Variants in ADAM18 observed in about 807,000 individuals in gnomAD.
ADAM18 encodes ADAM metallopeptidase domain 18, also known as disintegrin and metalloproteinase domain-containing protein 18.
Under a neutral mutation model 94.4 loss-of-function variants are expected in ADAM18, and 117 were observed. The ratio of observed to expected loss-of-function variants is 1.24; its 90% CI spans 1.07 to 1.45. ADAM18 has a LOEUF of 1.45. ADAM18 is among the 40% of genes most tolerant of loss of function. ADAM18 has a pLI of 0.00. For synonymous variants in ADAM18, 327 were observed against 291.6 expected (o/e 1.12, Z -1.24); for missense variants, 936 against 880.0 (o/e 1.06, Z -0.81).
chr8:39,648,332 A>T lies in ADAM18; in HGVS notation c.1047-12A>T, dbSNP rs1293963432. The T allele has an allele frequency of 1.9e-6, 3 of 1,572,110 alleles. No individual in the cohort carries two copies. Among genetic ancestry groups the T allele is most frequent in the Non-Finnish European group, 2.6e-6 (3 of 1,158,482 alleles). ...CAGGCTTATTTGCCTGAGGAATATTATTTTATTTTAGGAGTGCCAGTGGTA... is the reference window on the plus strand; with the variant it reads ...CAGGCTTATTTGCCTGAGGAATATTTTTTTATTTTAGGAGTGCCAGTGGTA... On this transcript the variant is annotated splice_polypyrimidine_tract_variant and intron_variant, in intron 11 of 19. Coordinates refer to ENST00000265707, the MANE Select transcript of ADAM18 (RefSeq NM_014237.3).
intron 7 of ADAM18, among the ~76,000 whole-genome samples, chr8:39,635,220 G>A (rs2129579228): frequency 6.6e-6 from 1 of 152,288 alleles, no homozygotes; most frequent in African/African-American, 2.4e-5. Context: ...TACCCAGTCT[G>A]TGTTATTCTT....
At chr8:39,653,492 A>C (rs929941646) in intron 12 of ADAM18, among the ~76,000 whole-genome samples, 11 of 152,208 alleles carry the variant, frequency 7.2e-5, no homozygotes, top group Non-Finnish European at 1.6e-4. Context: ...AAAAAAGTGA[A>C]TAAATAGCCT....
chr8:39,609,333 T>A, intron 4 of ADAM18, 152 bp from the exon 5 acceptor site: 5 of 689,520 alleles, frequency 7.3e-6, no homozygotes, highest in Non-Finnish European at 1.2e-5. Flanking sequence ...TAAAGAGAAT[T>A]GTCACAAATC....
At chr8:39,606,473 A>G (rs1819089830) in intron 3 of ADAM18, 111 bp downstream of exon 3, 4 of 571,820 alleles carry the variant, frequency 7.0e-6, no homozygotes, top group Middle Eastern at 2.8e-4. Context: ...TATAATGTAG[A>G]CTTGTTTTAT....
chr8:39,661,154 C>CTTTTTTTTT (rs34697066), intron 12 of ADAM18, among the ~76,000 whole-genome samples: 2 of 116,788 alleles, frequency 1.7e-5, no homozygotes. Flanking sequence ...TCTTCTTCTT[C>CTTTTTTTTT]TTTTTTTTTT....
At chr8:39,694,002 T>C (rs1821852501) in intron 17 of ADAM18, among the ~76,000 whole-genome samples, 1 of 151,268 alleles carries the variant, frequency 6.6e-6, no homozygotes, top group South Asian at 2.1e-4. Flanking sequence ...AGAGTTGTTC[T>C]CTTTTTATTA....
intron 10 of ADAM18, among the ~76,000 whole-genome samples, chr8:39,640,953 C>T (rs1227692396): frequency 6.6e-6 from 1 of 151,700 alleles, no homozygotes; most frequent in African/African-American, 2.4e-5. Flanking sequence ...CAAAAATTTT[C>T]TCCCATTCTG....
At chr8:39,679,770 T>A (rs1275893494) in intron 15 of ADAM18, among the ~76,000 whole-genome samples, 1 of 152,184 alleles carries the variant, frequency 6.6e-6, no homozygotes, top group Non-Finnish European at 1.5e-5. Context: ...ATGAACGGTC[T>A]AAGACAACTA....
At chr8:39,659,291 T>C (rs182073339) in intron 12 of ADAM18, among the ~76,000 whole-genome samples, 6 of 152,074 alleles carry the variant, frequency 3.9e-5, no homozygotes, top group Admixed American at 3.9e-4. Flanking sequence ...TTGATTGGAT[T>C]TTTACATGGA....
chr8:39,672,754 C>T (rs966693198), intron 14 of ADAM18, among the ~76,000 whole-genome samples: 4 of 152,150 alleles, frequency 2.6e-5, no homozygotes, highest in African/African-American at 9.7e-5. Context: ...CATTTAATCA[C>T]GTATCTGTTC....
intron 6 of ADAM18, among the ~76,000 whole-genome samples, chr8:39,624,723 T>C (rs1188223839): frequency 6.6e-6 from 1 of 152,186 alleles, no homozygotes; most frequent in Non-Finnish European, 1.5e-5. Context: ...TCTCATGGCT[T>C]AACACCATCC....
chr8:39,600,088 GAA>G (rs1414454289), intron 2 of ADAM18, among the ~76,000 whole-genome samples: 25 of 152,162 alleles, frequency 1.6e-4, no homozygotes, highest in African/African-American at 5.8e-4. Flanking sequence ...AATAATTTAA[GAA>G]AGTTTTCATC....
intron 2 of ADAM18, among the ~76,000 whole-genome samples, chr8:39,602,451 A>G (rs939278526): frequency 9.2e-5 from 14 of 152,166 alleles, no homozygotes; most frequent in African/African-American, 2.2e-4. Flanking sequence ...ATAGACTGAA[A>G]GTCACAGTTC....
At chr8:39,702,767 C>A (rs1403166001) in intron 17 of ADAM18, among the ~76,000 whole-genome samples, 16 of 152,138 alleles carry the variant, frequency 1.1e-4, no homozygotes, top group Non-Finnish European at 2.4e-4. Flanking sequence ...TTGTTTCTGT[C>A]AAGTCTGTTG....
intron 7 of ADAM18, among the ~76,000 whole-genome samples, chr8:39,631,100 A>C (rs1444632530): frequency 6.6e-6 from 1 of 151,930 alleles, no homozygotes; most frequent in Admixed American, 6.6e-5. Context: ...ATATATTCCA[A>C]ATATGAGGAC....
intron 2 of ADAM18, among the ~76,000 whole-genome samples, chr8:39,596,091 A>G (rs1263061430): frequency 1.3e-5 from 2 of 152,156 alleles, no homozygotes; most frequent in Admixed American, 6.5e-5. Context: ...AGATGAGAAG[A>G]AAGTACAGAA....
At position 39,706,234 on chromosome 8, in the gene ADAM18, T is replaced by C. The variant is rs888104020; in HGVS notation, c.1903-556T>C. ...AAAGTTGTATTTGATTGTTGATTTA[T>C]AATATTTGCTTTGCACGTATGTTAT... On this transcript the variant is annotated intron_variant, in intron 17 of 19. Coordinates refer to ENST00000265707, the MANE Select transcript of ADAM18 (RefSeq NM_014237.3). Among the ~76,000 whole-genome samples, 4 of 152,158 alleles carry C rather than the reference T, an allele frequency of 2.6e-5. 1 individual carries two copies. The highest frequency in any genetic ancestry group is 2.0e-4 in the Admixed American group (3 of 15,268).
At chr8:39,659,265 T>G (rs1311644406) in intron 12 of ADAM18, among the ~76,000 whole-genome samples, 1 of 152,096 alleles carries the variant, frequency 6.6e-6, no homozygotes, top group East Asian at 1.9e-4. Flanking sequence ...GATTAGTTGT[T>G]TGATAGCTAA....
intron 16 of ADAM18, among the ~76,000 whole-genome samples, chr8:39,684,588 C>G (rs895096822): frequency 1.3e-5 from 2 of 152,152 alleles, no homozygotes; most frequent in African/African-American, 4.8e-5. Flanking sequence ...ACACCAGTGA[C>G]TCAATCAGCC....
Sources: allele counts gnomAD v4.1 joint callset (sites outside exome capture counted in the v4.1 genomes callset), GRCh38; gene constraint gnomAD v4.1.1; transcripts MANE v1.5; gene names NCBI Gene and HGNC (gene_info 2026-07-23, HGNC 2026-07-21).